Variants in RPS6KA6 observed in about 807,000 individuals in gnomAD.
The protein encoded by RPS6KA6 is ribosomal protein S6 kinase alpha-6.
A neutral mutation model predicts 65.4 loss-of-function variants in RPS6KA6; 27 were observed. The observed-to-expected ratio is 0.41, with a 90% CI of 0.30 to 0.57. RPS6KA6 has a LOEUF of 0.57. Among genes scored for constraint, RPS6KA6 ranks in the 20% least tolerant of loss-of-function variants. The pLI is 0.24. For synonymous variants in RPS6KA6, 190 were observed against 184.2 expected (o/e 1.03, Z -0.26); for missense variants, 486 against 555.6 (o/e 0.87, Z 1.26).
At chrX:84,064,429 C>CT (rs2033355159) in intron 21 of RPS6KA6, 27 bp from the exon 22 acceptor site, 1 of 1,129,619 alleles carries the variant, frequency 8.9e-7, no homozygotes, top group South Asian at 2.2e-5. Flanking sequence ...ATGCCACAAA[C>CT]TAAGTACAAA....
intron 1 of RPS6KA6, among the ~76,000 whole-genome samples, chrX:84,183,444 G>A (rs894922634): frequency 8.1e-5 from 9 of 110,867 alleles, no homozygotes; most frequent in Non-Finnish European, 1.7e-4. Context: ...CCTCACTACC[G>A]TCAATTATTT....
chrX:84,148,896 G>A (rs2035249710), intron 3 of RPS6KA6, among the ~76,000 whole-genome samples: 2 of 111,102 alleles, frequency 1.8e-5, no homozygotes, highest in African/African-American at 6.6e-5. Context: ...TTGTTGCACA[G>A]ATTGACTTCC....
In RPS6KA6 at chrX:84,064,114, C is replaced by T. The variant is rs1025580328; in HGVS notation, c.*163G>A. ...AAACACATAGTATGAATATTGTGGA[C>T]CTGTGAATGGTTTTTTAAATCTCAC... On this transcript the variant is annotated 3_prime_UTR_variant, in exon 22 of 22. Coordinates refer to ENST00000262752, the MANE Select transcript of RPS6KA6 (RefSeq NM_014496.5). 59 of 529,439 alleles carry T rather than the reference C, an allele frequency of 1.1e-4. No individual in the cohort carries two copies. Among genetic ancestry groups the T allele is most frequent in the Non-Finnish European group, 8.5e-5 (29 of 340,116 alleles). 43.6% of individuals were successfully genotyped at this position (529,439 alleles called of 1,213,427 possible). A position where few individuals can be genotyped will look rare whatever the true frequency, so the allele number is the denominator to read the frequency against.
At chrX:84,109,870 G>A (rs2034435540) in intron 12 of RPS6KA6, among the ~76,000 whole-genome samples, 1 of 111,158 alleles carries the variant, frequency 9.0e-6, no homozygotes, top group Non-Finnish European at 1.9e-5. Context: ...TAAGGAATTG[G>A]AAGTTTGCCT....
At chrX:84,146,765 C>A (rs980045000) in intron 5 of RPS6KA6, among the ~76,000 whole-genome samples, 1 of 111,514 alleles carries the variant, frequency 9.0e-6, no homozygotes, top group Non-Finnish European at 1.9e-5. Context: ...TTACTTTAAA[C>A]AAGTTAATCA....
At chrX:84,126,718 G>A (rs1044208864) in intron 8 of RPS6KA6, among the ~76,000 whole-genome samples, 2 of 110,743 alleles carry the variant, frequency 1.8e-5, no homozygotes, top group Admixed American at 1.9e-4. Context: ...TAAACACATA[G>A]AAATAAAACA....
chrX:84,080,947 G>C (rs1282781992), intron 20 of RPS6KA6, among the ~76,000 whole-genome samples: 1 of 111,652 alleles, frequency 9.0e-6, no homozygotes, highest in Non-Finnish European at 1.9e-5. Context: ...AATACACAAT[G>C]TACCAGAATC....
intron 6 of RPS6KA6, among the ~76,000 whole-genome samples, chrX:84,141,192 T>C (rs763714062): frequency 8.4e-4 from 93 of 111,052 alleles, no homozygotes; most frequent in African/African-American, 2.8e-3. Flanking sequence ...AAGTACAAAA[T>C]AAGGCACAGA....
intron 20 of RPS6KA6, among the ~76,000 whole-genome samples, chrX:84,078,269 T>C (rs1228187105): frequency 1.8e-5 from 2 of 112,128 alleles, no homozygotes; most frequent in African/African-American, 6.5e-5. Context: ...CACACACCTT[T>C]TAAAATAGCT....
chrX:84,102,295 A>G, intron 17 of RPS6KA6, 97 bp from the exon 18 acceptor site: 1 of 489,571 alleles, frequency 2.0e-6, no homozygotes, highest in Non-Finnish European at 2.9e-6. Flanking sequence ...ATATCTGAGA[A>G]AAAGAAACTT....
At chrX:84,112,146 T>C (rs938019027) in intron 12 of RPS6KA6, among the ~76,000 whole-genome samples, 6 of 111,644 alleles carry the variant, frequency 5.4e-5, no homozygotes, top group Non-Finnish European at 1.1e-4. Context: ...ATCCTAAATA[T>C]ATATTCATCC....
At chrX:84,142,923 A>C (rs1442864859) in intron 6 of RPS6KA6, among the ~76,000 whole-genome samples, 6 of 111,063 alleles carry the variant, frequency 5.4e-5, no homozygotes, top group African/African-American at 2.0e-4. Flanking sequence ...TTTATCATTG[A>C]ATCTACATAA....
intron 2 of RPS6KA6, among the ~76,000 whole-genome samples, chrX:84,158,125 C>A (rs760423705): frequency 9.1e-6 from 1 of 110,325 alleles, no homozygotes; most frequent in Admixed American, 9.8e-5. Context: ...ATGCTTAGCA[C>A]AATACTTTTT....
At chrX:84,086,620 T>C (rs1174839854) in intron 20 of RPS6KA6, among the ~76,000 whole-genome samples, 1 of 111,269 alleles carries the variant, frequency 9.0e-6, no homozygotes, top group Non-Finnish European at 1.9e-5. Context: ...CGCCTAGCAA[T>C]GAGAAGAATG....
In RPS6KA6 at chrX:84,097,866, A is replaced by G; in HGVS notation, c.1777-18T>C. On this transcript the variant is annotated intron_variant, in intron 18 of 21. Transcript: ENST00000262752. ...ATAAGAACCTAAGAAAGAAATACTCATTATATGGTGTTACTCAATATAAAC... is the reference window on the plus strand; with the variant it reads ...ATAAGAACCTAAGAAAGAAATACTCGTTATATGGTGTTACTCAATATAAAC... 1 of 1,085,840 alleles carries G rather than the reference A, an allele frequency of 9.2e-7. No homozygotes were observed. The allele number at this position is 1,085,840 out of a possible 1,213,427, so 89.5% of individuals were successfully genotyped here.
At chrX:84,121,496 A>T (rs766515237) in intron 8 of RPS6KA6, among the ~76,000 whole-genome samples, 60 of 112,361 alleles carry the variant, frequency 5.3e-4, no homozygotes, top group Admixed American at 5.0e-3. Context: ...TCACTGATCA[A>T]ACATTTTAAA....
chrX:84,180,751 G>A, intron 1 of RPS6KA6, among the ~76,000 whole-genome samples: 1 of 111,634 alleles, frequency 9.0e-6, no homozygotes, highest in Non-Finnish European at 1.9e-5. Context: ...CAGCACATCT[G>A]ACTGCTGATC....
In RPS6KA6 at chrX:84,165,746, C is replaced by T. The variant is rs1392452267; in HGVS notation, c.82-1359G>A. On this transcript the variant is annotated intron_variant, in intron 1 of 21. Transcript: ENST00000262752. ...GCCAGAGGAAGCAGGAAAAGAGGTC[C>T]CTTTTATAAGAAAAATGTGAAGGTA... is the stretch of plus-strand genomic sequence containing the variant. Among the ~76,000 whole-genome samples, 3 of 110,804 alleles carry T rather than the reference C, an allele frequency of 2.7e-5. No homozygotes were observed. The East Asian group carries it at 8.6e-4, about 32-fold the overall frequency.
chrX:84,101,781 A>G lies in RPS6KA6; in HGVS notation c.1776+256T>C, dbSNP rs765693683. 2.1e-4 allele frequency among the ~76,000 whole-genome samples: 23 copies of G among 110,764 alleles called. No individual in the cohort carries two copies. The South Asian group carries it at 5.3e-3, about 25-fold the overall frequency. ...TTCCCTACCTCCCAACTCTAAAATGATATGATTCTGAAATTAGTATATAAC... is the reference window on the plus strand; with the variant it reads ...TTCCCTACCTCCCAACTCTAAAATGGTATGATTCTGAAATTAGTATATAAC... On this transcript the variant is annotated intron_variant, in intron 18 of 21. Coordinates refer to ENST00000262752, the MANE Select transcript of RPS6KA6 (RefSeq NM_014496.5).
Sources: allele counts gnomAD v4.1 joint callset (sites outside exome capture counted in the v4.1 genomes callset), GRCh38; gene constraint gnomAD v4.1.1; transcripts MANE v1.5; gene names NCBI Gene and HGNC (gene_info 2026-07-23, HGNC 2026-07-21).